WWOX: variants seen among roughly 807,000 people sequenced by gnomAD.
WWOX encodes the protein WW domain containing oxidoreductase.
Under a neutral mutation model 46.2 loss-of-function variants are expected in WWOX, and 69 were observed. That is an observed-to-expected ratio of 1.49 (90% CI 1.23 to 1.82). The LOEUF (loss-of-function observed/expected upper bound fraction) is 1.82, where lower values mean the gene tolerates loss of function less well. Ranked by LOEUF, WWOX falls within the 40% of genes most tolerant of loss-of-function variation. WWOX has a pLI of 0.00. For synonymous variants in WWOX, 359 were observed against 202.6 expected, an observed-to-expected ratio of 1.77 and a Z score of -6.56; for missense variants, 919 against 542.6, an observed-to-expected ratio of 1.69 and a Z score of -6.89.
intron 8 of WWOX, among the ~76,000 whole-genome samples, chr16:78,934,775 A>C (rs538387748): frequency 1.3e-5 from 2 of 152,150 alleles, no homozygotes; most frequent in Non-Finnish European, 2.9e-5. Flanking sequence ...TGAGAGATTT[A>C]AATGCAGGCC....
At chr16:78,979,672 C>G (rs147882394) in intron 8 of WWOX, among the ~76,000 whole-genome samples, 1 of 152,246 alleles carries the variant, frequency 6.6e-6, no homozygotes, top group East Asian at 1.9e-4. Context: ...GATCAGTACC[C>G]ATCTCTCAGA....
intron 8 of WWOX, among the ~76,000 whole-genome samples, chr16:78,454,471 T>C (rs1002762232): frequency 6.7e-6 from 1 of 150,202 alleles, no homozygotes; most frequent in Non-Finnish European, 1.5e-5. Context: ...TTTTTTCCCC[T>C]AGGTTGTGTT....
intron 8 of WWOX, among the ~76,000 whole-genome samples, chr16:78,763,717 C>G (rs1025873676): frequency 3.3e-5 from 5 of 152,178 alleles, no homozygotes; most frequent in African/African-American, 4.8e-5. Flanking sequence ...ATTTGGTATT[C>G]ACGAGTTTTG....
intron 8 of WWOX, among the ~76,000 whole-genome samples, chr16:79,116,147 C>G (rs1000998365): frequency 1.4e-4 from 22 of 152,196 alleles, no homozygotes. Context: ...AAGTTGTCAT[C>G]TTTTTGCTGG....
rs763470949 is a variant in WWOX, at chr16:78,257,558, G to A, written c.516+93269G>A. ...ACAAGGAGAACCTGCAGGGAGCTCC[G>A]TGGGAGGCACTGCTGTTTACTCTCC... On this transcript the variant is annotated intron_variant, in intron 5 of 8. Transcript: ENST00000566780. Among the ~76,000 whole-genome samples the A allele has an allele frequency of 3.3e-5, 5 of 152,132 alleles. No homozygotes were observed. The South Asian group carries it at 6.2e-4, about 19-fold the overall frequency.
chr16:78,275,080 C>T (rs1055185632), intron 5 of WWOX, among the ~76,000 whole-genome samples: 1 of 152,154 alleles, frequency 6.6e-6, no homozygotes, highest in Non-Finnish European at 1.5e-5. Context: ...AGCTGTGGCC[C>T]ATGCAGAGTT....
chr16:78,914,494 T>C (rs573810468), intron 8 of WWOX, among the ~76,000 whole-genome samples: 3 of 152,144 alleles, frequency 2.0e-5, no homozygotes, highest in East Asian at 3.9e-4. Flanking sequence ...AGATTTCTTA[T>C]GTGATTAACT....
At chr16:78,170,192 T>C (rs781549572) in intron 5 of WWOX, among the ~76,000 whole-genome samples, 7 of 152,168 alleles carry the variant, frequency 4.6e-5, no homozygotes, top group Admixed American at 2.0e-4. Flanking sequence ...CCCCAGTTCA[T>C]AACCACGGCT....
intron 8 of WWOX, among the ~76,000 whole-genome samples, chr16:78,801,086 C>T (rs1314871278): frequency 5.9e-5 from 9 of 151,480 alleles, no homozygotes; most frequent in African/African-American, 2.2e-4. Context: ...CAGAGTCTCA[C>T]TCTGTTGCCC....
chr16:78,853,405 G>A (rs371545914), intron 8 of WWOX, among the ~76,000 whole-genome samples: 1 of 152,020 alleles, frequency 6.6e-6, no homozygotes, highest in African/African-American at 2.4e-5. Context: ...TAGAGACAGG[G>A]TTTTGCCACG....
At chr16:78,202,047 A>G (rs991058744) in intron 5 of WWOX, among the ~76,000 whole-genome samples, 3 of 151,998 alleles carry the variant, frequency 2.0e-5, no homozygotes, top group Admixed American at 2.0e-4. Flanking sequence ...TCTACTTGTA[A>G]CCACCCCTTT....
At chr16:79,105,343 CA>C (rs2049286851) in intron 8 of WWOX, among the ~76,000 whole-genome samples, 1 of 152,088 alleles carries the variant, frequency 6.6e-6, no homozygotes, top group Non-Finnish European at 1.5e-5. Flanking sequence ...GCAGAACGGT[CA>C]TCATCTCAAA....
At chr16:78,174,927 G>T (rs961813523) in intron 5 of WWOX, among the ~76,000 whole-genome samples, 4 of 151,914 alleles carry the variant, frequency 2.6e-5, no homozygotes, top group Admixed American at 1.3e-4. Flanking sequence ...GGTGGAGGTT[G>T]CAGTGAGCCG....
chr16:79,209,441 G>A (rs963565294), intron 8 of WWOX, among the ~76,000 whole-genome samples: 8 of 152,136 alleles, frequency 5.3e-5, no homozygotes, highest in South Asian at 2.1e-4. Context: ...CTTTCCTCAC[G>A]CTTGGCAGAA....
chr16:78,445,526 C>T (rs940741446), intron 8 of WWOX, among the ~76,000 whole-genome samples: 1 of 152,078 alleles, frequency 6.6e-6, no homozygotes, highest in Admixed American at 6.6e-5. Context: ...CGACTTCAGC[C>T]CAGGAAGGAG....
intron 8 of WWOX, among the ~76,000 whole-genome samples, chr16:78,512,891 C>G (rs1336068707): frequency 1.3e-5 from 2 of 152,132 alleles, no homozygotes; most frequent in South Asian, 4.1e-4. Flanking sequence ...TCTGGATCTG[C>G]GTGTTACCCA....
chr16:78,815,322 C>T (rs989689595), intron 8 of WWOX, among the ~76,000 whole-genome samples: 1 of 148,612 alleles, frequency 6.7e-6, no homozygotes, highest in African/African-American at 2.5e-5. Flanking sequence ...GAAACTCTGT[C>T]TCGAGAAAAA....
intron 1 of WWOX, among the ~76,000 whole-genome samples, chr16:78,101,887 CAT>C (rs957526004): frequency 1.2e-4 from 19 of 152,280 alleles, no homozygotes; most frequent in Non-Finnish European, 1.8e-4. Context: ...GGCACAGTGA[CAT>C]GTGTAGGAGC....
chr16:78,588,751 C>T (rs567329199), intron 8 of WWOX, among the ~76,000 whole-genome samples: 7 of 152,162 alleles, frequency 4.6e-5, no homozygotes, highest in Non-Finnish European at 8.8e-5. Context: ...CTTTATTGAG[C>T]AGCTACTATG....
Sources: gnomAD v4.1 joint callset for allele counts (sites outside exome capture counted in the v4.1 genomes callset) on GRCh38, gnomAD v4.1.1 for gene constraint, MANE v1.5 for transcripts, NCBI Gene and HGNC (gene_info 2026-07-23, HGNC 2026-07-21) for gene names.